The following LIPA variants were observed in gnomAD, a reference collection of about 807,000 sequenced individuals.
LIPA encodes lipase A, lysosomal acid type.
LIPA carries 26 observed loss-of-function variants against 40.6 expected under a neutral mutation model. The observed-to-expected ratio is 0.64, with a 90% CI of 0.47 to 0.89. The LOEUF is 0.89. Ranked by LOEUF, LIPA falls within the 40% of genes least tolerant of loss-of-function variation. LIPA has a pLI of 0.00. For synonymous variants in LIPA, 188 were observed against 168.4 expected (o/e 1.12, Z -0.90); for missense variants, 455 against 479.6 (o/e 0.95, Z 0.48).
At chr10:89,360,484 G>T (rs1844015718) in intron 2 of LIPA, among the ~76,000 whole-genome samples, 1 of 152,182 alleles carries the variant, frequency 6.6e-6, no homozygotes, top group Non-Finnish European at 1.5e-5. Context: ...ACAGAAAAGG[G>T]CACTCTTTTC....
At chr10:89,295,126 T>C (rs1843405706) in intron 1 of LIPA, among the ~76,000 whole-genome samples, 1 of 144,514 alleles carries the variant, frequency 6.9e-6, no homozygotes, top group South Asian at 2.2e-4. Flanking sequence ...TATATCAATA[T>C]TTTTGAAGTT....
intron 1 of LIPA, among the ~76,000 whole-genome samples, chr10:89,292,814 T>A (rs1170130862): frequency 7.7e-6 from 1 of 129,416 alleles, no homozygotes; most frequent in Non-Finnish European, 1.7e-5. Flanking sequence ...CCTGGCTACT[T>A]TTTTTTTTTT....
chr10:89,336,762 A>C (rs930122542), intron 1 of LIPA, among the ~76,000 whole-genome samples: 2 of 152,172 alleles, frequency 1.3e-5, no homozygotes, highest in African/African-American at 4.8e-5. Context: ...TTTTTTTCTG[A>C]AATTGTGCTT....
intron 1 of LIPA, among the ~76,000 whole-genome samples, chr10:89,321,318 A>G (rs1206794013): frequency 6.6e-6 from 1 of 152,242 alleles, no homozygotes; most frequent in African/African-American, 2.4e-5. Flanking sequence ...CAATCTACCC[A>G]TCTGACAAAG....
chr10:89,357,717 C>T (rs1018354612), intron 2 of LIPA, among the ~76,000 whole-genome samples: 6 of 152,030 alleles, frequency 3.9e-5, no homozygotes, highest in African/African-American at 2.4e-5. Context: ...TCTATTCAGG[C>T]TAAGATGGAT....
chr10:89,328,140 C>G, intron 1 of LIPA: 2 of 1,505,164 alleles, frequency 1.3e-6, no homozygotes, highest in Non-Finnish European at 1.8e-6. Flanking sequence ...AGTTGAGTTT[C>G]TTACTGTGCA....
At chr10:89,264,165 G>A (rs938837621) in intron 1 of LIPA, among the ~76,000 whole-genome samples, 5 of 152,196 alleles carry the variant, frequency 3.3e-5, no homozygotes, top group South Asian at 4.1e-4. Flanking sequence ...AGCAGGGGGG[G>A]TGGTAGGGGC....
chr10:89,246,185 T>C (rs1178528121), intron 2 of LIPA, among the ~76,000 whole-genome samples: 3 of 152,158 alleles, frequency 2.0e-5, no homozygotes, highest in African/African-American at 7.2e-5. Flanking sequence ...TTTTGAGAGA[T>C]CCCCTGCTGG....
At chr10:89,361,933 G>A (rs964882787) in intron 2 of LIPA, among the ~76,000 whole-genome samples, 1 of 103,318 alleles carries the variant, frequency 9.7e-6, no homozygotes, top group African/African-American at 3.8e-5. Flanking sequence ...CTCATTGTGT[G>A]TGTCACCCTG....
At chr10:89,271,117 A>T (rs1014375785) in intron 1 of LIPA, among the ~76,000 whole-genome samples, 2 of 152,228 alleles carry the variant, frequency 1.3e-5, no homozygotes, top group Admixed American at 6.5e-5. Context: ...CTCATACTAC[A>T]TTGCCCCTTC....
intron 1 of LIPA, among the ~76,000 whole-genome samples, chr10:89,311,389 G>A (rs1387117032): frequency 6.6e-6 from 1 of 151,892 alleles, no homozygotes; most frequent in Admixed American, 6.6e-5. Flanking sequence ...AATTAACCAG[G>A]CATGGCGGTG....
chr10:89,272,008 T>C (rs1371645091), intron 1 of LIPA, among the ~76,000 whole-genome samples: 1 of 152,036 alleles, frequency 6.6e-6, no homozygotes, highest in Non-Finnish European at 1.5e-5. Flanking sequence ...AGGCTGAGGC[T>C]GCAGTGAGCC....
At chr10:89,320,154 G>A (rs990659374) in intron 1 of LIPA, among the ~76,000 whole-genome samples, 2 of 152,128 alleles carry the variant, frequency 1.3e-5, no homozygotes, top group African/African-American at 4.8e-5. Flanking sequence ...TTGAAAACTG[G>A]CACAAGACAG....
chr10:89,309,752 A>G (rs566683242), intron 1 of LIPA, among the ~76,000 whole-genome samples: 53 of 152,352 alleles, frequency 3.5e-4, no homozygotes, highest in South Asian at 1.9e-3. Context: ...AAGTTAACAA[A>G]TGATTGGAAA....
intron 3 of LIPA, among the ~76,000 whole-genome samples, chr10:89,235,312 G>A (rs977015288): frequency 2.6e-5 from 4 of 152,314 alleles, no homozygotes; most frequent in Admixed American, 2.6e-4. Flanking sequence ...TATGCCCTAC[G>A]GGTGGCTCTG....
At chr10:89,414,543 G>A (rs771666048) in exon 1 of LIPA, 1 of 448,164 alleles carries the variant, frequency 2.2e-6, no homozygotes, top group Non-Finnish European at 3.9e-6. Flanking sequence ...TGAAGCTTAC[G>A]TTTAGTTTCG....
At chr10:89,229,205 AG>A (rs1842808920) in intron 3 of LIPA, among the ~76,000 whole-genome samples, 1 of 152,252 alleles carries the variant, frequency 6.6e-6, no homozygotes, top group South Asian at 2.1e-4. Flanking sequence ...AGCCACAAAA[AG>A]ATGTAGAGGA....
intron 2 of LIPA, among the ~76,000 whole-genome samples, chr10:89,395,820 GAAA>G (rs77969642): frequency 6.8e-6 from 1 of 147,080 alleles, no homozygotes; most frequent in African/African-American, 2.5e-5. Flanking sequence ...ACAAAATTAG[GAAA>G]AAAAAAAATA....
intron 1 of LIPA, among the ~76,000 whole-genome samples, chr10:89,257,551 A>G (rs1324111868): frequency 6.6e-6 from 1 of 152,176 alleles, no homozygotes; most frequent in Non-Finnish European, 1.5e-5. Flanking sequence ...TGAAACGATA[A>G]TTTCAGACAT....
Sources: gnomAD v4.1 joint callset for allele counts (sites outside exome capture counted in the v4.1 genomes callset) on GRCh38, gnomAD v4.1.1 for gene constraint, MANE v1.5 for transcripts, NCBI Gene and HGNC (gene_info 2026-07-23, HGNC 2026-07-21) for gene names.